Variants in ASTN1 observed in about 807,000 individuals in gnomAD.
The protein encoded by ASTN1 is astrotactin-1.
ASTN1 carries 41 observed loss-of-function variants against 140.7 expected under a neutral mutation model. The observed-to-expected ratio is 0.29, with a 90% CI of 0.23 to 0.38. The LOEUF (loss-of-function observed/expected upper bound fraction) is 0.38. ASTN1 is among the 10% of genes least tolerant of loss of function. ASTN1 has a pLI of 1.00. For synonymous variants in ASTN1, 640 were observed against 652.2 expected (o/e 0.98, Z 0.29); for missense variants, 1,479 against 1,678.8 (o/e 0.88, Z 2.08).
intron 16 of ASTN1, among the ~76,000 whole-genome samples, chr1:176,931,285 G>A (rs1022505541): frequency 5.3e-5 from 8 of 152,062 alleles, no homozygotes; most frequent in Admixed American, 5.2e-4. Context: ...TGATCAACAC[G>A]GAGAAACCCC....
chr1:177,119,956 A>G (rs1453978365), intron 1 of ASTN1, among the ~76,000 whole-genome samples: 1 of 152,108 alleles, frequency 6.6e-6, no homozygotes, highest in Non-Finnish European at 1.5e-5. Context: ...TCCCATATAG[A>G]AGCCAGGTGC....
intron 13 of ASTN1, among the ~76,000 whole-genome samples, chr1:176,944,220 G>C (rs113669970): frequency 0.12 from 17,804 of 152,106 alleles, 1,310 homozygotes; most frequent in Admixed American, 0.18. Context: ...GGGATTACAG[G>C]CATGTGCCAC....
intron 8 of ASTN1, among the ~76,000 whole-genome samples, chr1:176,996,518 G>T (rs1674455429): frequency 6.6e-6 from 1 of 152,186 alleles, no homozygotes; most frequent in Admixed American, 6.5e-5. Flanking sequence ...AAGTTTAATT[G>T]CTAAATTGGT....
intron 8 of ASTN1, among the ~76,000 whole-genome samples, chr1:177,007,076 C>G (rs957714515): frequency 3.9e-5 from 6 of 152,182 alleles, no homozygotes; most frequent in African/African-American, 1.4e-4. Context: ...AGTTACTTTA[C>G]CTCTCTGGCT....
intron 18 of ASTN1, among the ~76,000 whole-genome samples, chr1:176,887,515 C>G (rs943811745): frequency 2.0e-5 from 3 of 152,214 alleles, no homozygotes; most frequent in African/African-American, 7.2e-5. Context: ...ACTATAATGG[C>G]CAAGAACATG....
chr1:177,164,492 G>C lies in ASTN1; in HGVS notation c.185C>G (p.Ser62Trp). 6.2e-7 allele frequency: 1 copy of C among 1,613,874 alleles called. No homozygotes were observed. Among genetic ancestry groups the C allele is most frequent in the Non-Finnish European group, 8.5e-7 (1 of 1,179,936 alleles). Residue 62 changes from serine to tryptophan, a missense_variant, in exon 1 of 23, where the codon TCG becomes TGG. Around this residue, in one of 3 missense-constraint regions of ASTN1, gnomAD observed 729 missense variants for 860.4 expected, o/e 0.85. Transcript: ENST00000361833. ...DLSIMHSPSA[S>W]EPKLLFSVRN... ...CACCGAGAAGAGGAGCTTGGGCTCC[G>C]AGGCCGAGGGGCTGTGCATGATGCT...
chr1:176,874,430 G>C (rs183072172), intron 21 of ASTN1, among the ~76,000 whole-genome samples: 13 of 152,298 alleles, frequency 8.5e-5, no homozygotes, highest in African/African-American at 2.6e-4. Flanking sequence ...AGACAAGGGG[G>C]AAGGGCTTCA....
intron 1 of ASTN1, among the ~76,000 whole-genome samples, chr1:177,149,345 GTATATATATAGTAAA>G (rs1682895458): frequency 3.1e-5 from 2 of 64,666 alleles, no homozygotes; most frequent in African/African-American, 1.7e-4. Context: ...TATATATATA[GTATATATATAGTAAA>G]TATATATATA....
At chr1:176,888,324 T>C (rs1168913905) in intron 17 of ASTN1, 120 bp from the exon 18 acceptor site, 4 of 1,188,426 alleles carry the variant, frequency 3.4e-6, no homozygotes, top group East Asian at 2.5e-5. Flanking sequence ...GCAGGTTGTG[T>C]CGCCACTTTA....
chr1:177,163,039 G>C (rs189460326), intron 1 of ASTN1, among the ~76,000 whole-genome samples: 1 of 152,306 alleles, frequency 6.6e-6, no homozygotes, highest in Admixed American at 6.5e-5. Flanking sequence ...GGGTTGGGGA[G>C]TAGGGGTTTA....
chr1:176,959,317 C>G (rs1170717736), intron 9 of ASTN1, among the ~76,000 whole-genome samples: 4 of 152,114 alleles, frequency 2.6e-5, no homozygotes, highest in Non-Finnish European at 5.9e-5. Flanking sequence ...AGTCTGGCAT[C>G]CCCTCCCCAC....
chr1:177,010,069 C>A (rs901145475), intron 8 of ASTN1, among the ~76,000 whole-genome samples: 1 of 152,106 alleles, frequency 6.6e-6, no homozygotes, highest in Admixed American at 6.6e-5. Context: ...TGTAGTCTTT[C>A]GTAATCATTT....
At chr1:176,928,691 G>A (rs1026804580) in intron 16 of ASTN1, among the ~76,000 whole-genome samples, 1 of 152,174 alleles carries the variant, frequency 6.6e-6, no homozygotes, top group Non-Finnish European at 1.5e-5. Context: ...TCAAACTAGG[G>A]AAGTCTTAGT....
In ASTN1 at chr1:176,993,157, T is replaced by C. The variant is rs114267718; in HGVS notation, c.1523+21634A>G. Among the ~76,000 whole-genome samples, 723 of 152,296 alleles carry C rather than the reference T, an allele frequency of 4.7e-3. 5 individuals carry two copies. The highest frequency in any genetic ancestry group is 0.01 in the Middle Eastern group (3 of 292). On this transcript the variant is annotated intron_variant, in intron 8 of 22. Transcript: ENST00000361833. ...CTGTGAGAACATAATGTCTGTTGTT[T>C]AAGCCACTCAGTCTATGGTATTTTG... is the stretch of plus-strand genomic sequence containing the variant.
At chr1:177,132,366 C>G (rs1394806663) in intron 1 of ASTN1, among the ~76,000 whole-genome samples, 1 of 152,144 alleles carries the variant, frequency 6.6e-6, no homozygotes. Context: ...TGAGTAGGTA[C>G]CAAATGAAGT....
chr1:177,159,141 C>A (rs574518867), intron 1 of ASTN1, among the ~76,000 whole-genome samples: 1 of 150,840 alleles, frequency 6.6e-6, no homozygotes, highest in South Asian at 2.1e-4. Flanking sequence ...CAAGTCATAT[C>A]AACATATCTA....
At chr1:176,928,824 G>C (rs1671081823) in intron 16 of ASTN1, among the ~76,000 whole-genome samples, 1 of 152,220 alleles carries the variant, frequency 6.6e-6, no homozygotes, top group Admixed American at 6.5e-5. Context: ...TCATAGCCAG[G>C]AAGACTAATG....
At position 176,861,953 on chromosome 1, in the gene ASTN1, T is replaced by A. The variant is rs978523079; in HGVS notation, c.*2331A>T. The A allele has an allele frequency of 1.3e-4, 129 of 985,506 alleles. No homozygotes were observed. Among genetic ancestry groups the A allele is most frequent in the South Asian group, 1.3e-3 (27 of 21,288 alleles). 61.0% of individuals were successfully genotyped at this position (985,506 alleles called of 1,614,324 possible). Reference sequence around the variant, plus strand: ...TTCACCCTCTCCCTGGCCTGTCAACTCCCACATCATCCACTTCTGGGCAGG... The same window carrying A: ...TTCACCCTCTCCCTGGCCTGTCAACACCCACATCATCCACTTCTGGGCAGG... On this transcript the variant is annotated 3_prime_UTR_variant, in exon 23 of 23. Coordinates refer to ENST00000361833, the MANE Select transcript of ASTN1 (RefSeq NM_004319.3).
At chr1:177,116,243 C>A (rs80238175) in intron 1 of ASTN1, among the ~76,000 whole-genome samples, 4 of 152,172 alleles carry the variant, frequency 2.6e-5, no homozygotes, top group African/African-American at 9.6e-5. Flanking sequence ...TTTCTATGGC[C>A]AGAAACTGAG....
Sources: gnomAD v4.1 joint callset for allele counts (sites outside exome capture counted in the v4.1 genomes callset) on GRCh38, gnomAD v4.1.1 for gene constraint, gnomAD v4.1.1 regional missense constraint, MANE v1.5 for transcripts, NCBI Gene and HGNC (gene_info 2026-07-23, HGNC 2026-07-21) for gene names.